The following NCKAP5 variants were observed in gnomAD, a reference collection of about 807,000 sequenced individuals.
The protein encoded by NCKAP5 is NCK associated protein 5, also known as nck-associated protein 5.
In NCKAP5, 92 loss-of-function variants were observed where a neutral mutation model predicts 167.0. The ratio of observed to expected loss-of-function variants is 0.55; its 90% CI spans 0.47 to 0.66. The LOEUF (loss-of-function observed/expected upper bound fraction) is 0.66. NCKAP5 is among the 30% of genes least tolerant of loss of function. The pLI, the probability that NCKAP5 is intolerant of heterozygous loss-of-function variation, is 0.00. For missense variants in NCKAP5, 2,378 were observed against 2,315.0 expected (o/e 1.03, Z -0.56); for synonymous variants, 891 against 877.4 (o/e 1.02, Z -0.27).
At chr2:132,879,351 T>C (rs977313988) in intron 8 of NCKAP5, among the ~76,000 whole-genome samples, 11 of 152,206 alleles carry the variant, frequency 7.2e-5, no homozygotes, top group African/African-American at 2.7e-4. Flanking sequence ...TAATTCCAAA[T>C]GCAAACTAAA....
intron 16 of NCKAP5, among the ~76,000 whole-genome samples, chr2:132,739,854 T>G (rs1422638878): frequency 6.6e-6 from 1 of 152,172 alleles, no homozygotes; most frequent in Non-Finnish European, 1.5e-5. Context: ...TCTGTGTTTT[T>G]GAGAAATCTA....
chr2:133,159,093 A>G (rs1340547959), intron 5 of NCKAP5, among the ~76,000 whole-genome samples: 6 of 151,952 alleles, frequency 3.9e-5, no homozygotes, highest in Non-Finnish European at 7.4e-5. Context: ...GGAGCCCTTA[A>G]AAGCAGACAA....
At chr2:133,478,039 T>G (rs1680089759) in intron 3 of NCKAP5, among the ~76,000 whole-genome samples, 1 of 152,216 alleles carries the variant, frequency 6.6e-6, no homozygotes, top group Admixed American at 6.5e-5. Flanking sequence ...CCAGCAGTAT[T>G]TTTTATAAAC....
rs1558943244 is a variant in NCKAP5 at position 132,920,769 on chromosome 2, A to ATGTATGTATGTATGTG, written c.580-41854_580-41853insCACATACATACATACA. On this transcript the variant is annotated intron_variant, in intron 8 of 19. Transcript: ENST00000409261. ...TGTATATATATATGTATATATATGTATGTATATATATATATATATATATAT... is the reference window on the plus strand; with the variant it reads ...TGTATATATATATGTATATATATGTATGTATGTATGTATGTGTGTATATATATATATATATATATAT... 1.8e-3 allele frequency among the ~76,000 whole-genome samples: 58 copies of ATGTATGTATGTATGTG among 31,920 alleles called. 4 individuals are homozygous for ATGTATGTATGTATGTG. Among genetic ancestry groups the ATGTATGTATGTATGTG allele is most frequent in the African/African-American group, 0.01 (52 of 5,112 alleles). The allele number at this position is 31,920 out of a possible 152,430, so 20.9% of individuals were successfully genotyped here. A position where few individuals can be genotyped will look rare whatever the true frequency, so the allele number is the denominator to read the frequency against.
chr2:132,920,675 ATATAAGTTAGTT>A (rs1184779494), intron 8 of NCKAP5, among the ~76,000 whole-genome samples: 2,015 of 120,992 alleles, frequency 0.017, 193 homozygotes, highest in African/African-American at 0.056. Flanking sequence ...ATATATATAT[ATATAAGTTAGTT>A]TATATATATA....
intron 5 of NCKAP5, 70 bp downstream of exon 5, chr2:133,213,646 G>T (rs2086301168): frequency 2.0e-6 from 3 of 1,491,756 alleles, no homozygotes; most frequent in Non-Finnish European, 2.8e-6. Context: ...TATCCTTAAT[G>T]AGGCAAAGTA....
At chr2:133,590,160 C>A in the NCKAP5 span, among the ~76,000 whole-genome samples, 4 of 152,186 alleles carry the variant, frequency 2.6e-5, no homozygotes, top group African/African-American at 7.2e-5. Flanking sequence ...AGTTTTCCTA[C>A]ATCCCTATCC....
intron 6 of NCKAP5, among the ~76,000 whole-genome samples, chr2:133,023,332 A>T (rs1228579770): frequency 6.6e-6 from 1 of 152,166 alleles, no homozygotes; most frequent in Non-Finnish European, 1.5e-5. Context: ...ATATTTTTTC[A>T]TATTATTTTA....
the NCKAP5 span, among the ~76,000 whole-genome samples, chr2:133,588,261 TCCTCCCTC>T: frequency 8.5e-6 from 1 of 117,418 alleles, no homozygotes; most frequent in Non-Finnish European, 1.8e-5. Flanking sequence ...GATTCCTTTT[TCCTCCCTC>T]CCTCCCTCCC....
At chr2:133,226,604 AACAC>A (rs3051222) in intron 4 of NCKAP5, among the ~76,000 whole-genome samples, 99 of 139,256 alleles carry the variant, frequency 7.1e-4, no homozygotes, top group Admixed American at 1.1e-3. Flanking sequence ...TTTGAAGATA[AACAC>A]ACACACACAC....
intron 3 of NCKAP5, among the ~76,000 whole-genome samples, chr2:133,444,862 T>C (rs1008758347): frequency 1.3e-5 from 2 of 152,184 alleles, no homozygotes; most frequent in Admixed American, 1.3e-4. Flanking sequence ...GCTGACTTCC[T>C]GGATCTTCAC....
intron 3 of NCKAP5, among the ~76,000 whole-genome samples, chr2:133,478,072 T>C (rs1420089223): frequency 6.6e-6 from 1 of 152,196 alleles, no homozygotes; most frequent in Non-Finnish European, 1.5e-5. Context: ...CCATTGCACC[T>C]GGATCCACAT....
chr2:133,081,068 A>G (rs1253293879), intron 6 of NCKAP5, among the ~76,000 whole-genome samples: 1 of 152,172 alleles, frequency 6.6e-6, no homozygotes, highest in African/African-American at 2.4e-5. Context: ...GGACTAGCAC[A>G]TCAGAAGCAT....
At chr2:133,609,441 C>A in the NCKAP5 span, among the ~76,000 whole-genome samples, 1 of 152,162 alleles carries the variant, frequency 6.6e-6, no homozygotes, top group Non-Finnish European at 1.5e-5. Flanking sequence ...AAGAACAATT[C>A]CTGGCATTTT....
intron 5 of NCKAP5, among the ~76,000 whole-genome samples, chr2:133,152,571 C>T (rs775172099): frequency 4.6e-5 from 7 of 151,994 alleles, no homozygotes; most frequent in Non-Finnish European, 8.8e-5. Context: ...AATAAACAGG[C>T]GTGATACATC....
chr2:132,917,159 C>T (rs1694948841), intron 8 of NCKAP5, among the ~76,000 whole-genome samples: 1 of 152,118 alleles, frequency 6.6e-6, no homozygotes, highest in South Asian at 2.1e-4. Context: ...GTGACTTGTC[C>T]AAGGTAACTG....
chr2:133,518,895 G>C (rs899990151), intron 2 of NCKAP5, among the ~76,000 whole-genome samples: 1 of 152,186 alleles, frequency 6.6e-6, no homozygotes, highest in Non-Finnish European at 1.5e-5. Flanking sequence ...GATTCAGAAG[G>C]TGCTTTGAGA....
At chr2:133,013,679 C>T (rs1375847688) in intron 6 of NCKAP5, among the ~76,000 whole-genome samples, 1 of 152,166 alleles carries the variant, frequency 6.6e-6, no homozygotes, top group Non-Finnish European at 1.5e-5. Flanking sequence ...TATCAGGTAG[C>T]ATCAGCAAGC....
chr2:132,905,439 T>C (rs1693936056), intron 8 of NCKAP5, among the ~76,000 whole-genome samples: 1 of 152,208 alleles, frequency 6.6e-6, no homozygotes, highest in Admixed American at 6.5e-5. Flanking sequence ...TTGGCTTGTT[T>C]ATTGTTCTAC....
Sources: allele counts gnomAD v4.1 joint callset (sites outside exome capture counted in the v4.1 genomes callset), GRCh38; gene constraint gnomAD v4.1.1; transcripts MANE v1.5; gene names NCBI Gene and HGNC (gene_info 2026-07-23, HGNC 2026-07-21).